The following HMGB2 variants were observed in gnomAD, a reference collection of about 807,000 sequenced individuals.
The protein encoded by HMGB2 is high mobility group box 2, also known as high mobility group protein B2.
HMGB2 carries 2 observed loss-of-function variants against 23.0 expected under a neutral mutation model. That is an observed-to-expected ratio of 0.09 (90% CI 0.04 to 0.27). The LOEUF is 0.27. Ranked by LOEUF, HMGB2 falls within the 10% of genes least tolerant of loss-of-function variation. The pLI is 1.00. For synonymous variants in HMGB2, 99 were observed against 87.5 expected (o/e 1.13, Z -0.73); for missense variants, 178 against 256.5 (o/e 0.69, Z 2.09).
Position 173,332,127 on chromosome 4 carries a change from C to G in HMGB2, c.583G>C (p.Glu195Gln). ...TCCTCCTCATCTTCATCTTCTTCTT[C>G]CTCCTCCTCCTCCTCATCTTCTGGT... is the stretch of plus-strand genomic sequence containing the variant. ...NEPEDEEEEE[E>Q]EEDEDEEEED... Residue 195 changes from glutamate (E) to glutamine (Q), a missense_variant, in exon 5 of 5, where the codon GAA (glutamate) becomes CAA (glutamine). Coordinates refer to ENST00000296503, the MANE Select transcript of HMGB2 (RefSeq NM_002129.4). 1 of 1,526,006 alleles carries G rather than the reference C, an allele frequency of 6.6e-7. No individual in the cohort carries two copies. The highest frequency in any genetic ancestry group is 9.0e-7 in the Non-Finnish European group (1 of 1,109,388). The allele number at this position is 1,526,006 out of a possible 1,614,324, so 94.5% of individuals were successfully genotyped here. A position where few individuals can be genotyped will look rare whatever the true frequency, so the allele number is the denominator to read the frequency against.
At position 173,331,922 on chromosome 4, in the gene HMGB2, A is replaced by G. The variant is rs1578933508; in HGVS notation, c.*158T>C. On this transcript the variant is annotated 3_prime_UTR_variant, in exon 5 of 5. Coordinates refer to ENST00000296503, the MANE Select transcript of HMGB2 (RefSeq NM_002129.4). ...AAAAAGCTACAACCTGCATTTTTTA[A>G]AAGTATTTTCTCTACAGAGAATCTT... is the stretch of plus-strand genomic sequence containing the variant. 3 of 1,085,624 alleles carry G rather than the reference A, an allele frequency of 2.8e-6. No individual in the cohort carries two copies. The highest frequency in any genetic ancestry group is 2.6e-5 in the Admixed American group (1 of 37,750). The allele number at this position is 1,085,624 out of a possible 1,614,324, so 67.2% of individuals were successfully genotyped here. A position where few individuals can be genotyped will look rare whatever the true frequency, so the allele number is the denominator to read the frequency against.
chr4:173,333,664 G>C lies in HMGB2; in HGVS notation c.-15C>G. 6.3e-7 allele frequency: 1 copy of C among 1,595,772 alleles called. No homozygotes were observed. Among genetic ancestry groups the C allele is most frequent in the Non-Finnish European group, 8.5e-7 (1 of 1,169,704 alleles). ...CCTTTACCCATGTTGACAGATCCGC[G>C]TCCACCTGACGGGGCCGAGGGGGGA... is the stretch of plus-strand genomic sequence containing the variant. On this transcript the variant is annotated 5_prime_UTR_variant, in exon 2 of 5. Coordinates refer to ENST00000296503, the MANE Select transcript of HMGB2 (RefSeq NM_002129.4). The surrounding 1 kb of genome is among the most constrained non-coding windows in gnomAD (Gnocchi z 4.6).
At position 173,331,627 on chromosome 4, in the gene HMGB2, A is replaced by G. The variant is rs1034651559; in HGVS notation, c.*453T>C. The G allele has an allele frequency of 1.3e-5, 2 of 152,892 alleles. No individual in the cohort carries two copies. Among genetic ancestry groups the G allele is most frequent in the Non-Finnish European group, 2.9e-5 (2 of 68,698 alleles). 9.5% of individuals were successfully genotyped at this position (152,892 alleles called of 1,614,324 possible). On this transcript the variant is annotated 3_prime_UTR_variant, in exon 5 of 5. Coordinates refer to ENST00000296503, the MANE Select transcript of HMGB2 (RefSeq NM_002129.4). ...TAGGCAGAAATACCGAAAAAAATCAACATAGCTCTGGTCTTCAAATGGCTT... is the reference window on the plus strand; with the variant it reads ...TAGGCAGAAATACCGAAAAAAATCAGCATAGCTCTGGTCTTCAAATGGCTT...
Position 173,333,534 on chromosome 4 carries a change from G to A in HMGB2, c.116C>T (p.Ala39Val). Residue 39 changes from alanine to valine, a missense_variant, in exon 2 of 5, where the codon GCG (alanine) becomes GTG (valine). Around this residue, in one of 3 missense-constraint regions of HMGB2, gnomAD observed 90 missense variants for 114.4 expected, o/e 0.79. Coordinates refer to ENST00000296503, the MANE Select transcript of HMGB2 (RefSeq NM_002129.4). The surrounding 1 kb of genome is among the most constrained non-coding windows in gnomAD (Gnocchi z 4.6). ...KKHPDSSVNF[A>V]EFSKKCSERW... Reference sequence around the variant, plus strand: ...CTCCGAACACTTCTTGGAGAATTCCGCGAAATTGACGGAAGAGTCCGGGTG... The same window carrying A: ...CTCCGAACACTTCTTGGAGAATTCCACGAAATTGACGGAAGAGTCCGGGTG... 6.2e-7 allele frequency: 1 copy of A among 1,614,102 alleles called. No homozygotes were observed. Among genetic ancestry groups the A allele is most frequent in the South Asian group, 1.1e-5 (1 of 91,076 alleles).
rs1738150929 is a variant in HMGB2, at chr4:173,333,150, T to C, written c.215A>G (p.Asp72Gly). The change falls in exon 3 of 5, where the codon GAC becomes GGC. Residue 72 changes from aspartate to glycine, a missense_variant. By Grantham distance (94) the Asp-to-Gly change is moderately conservative. Transcript: ENST00000296503. The surrounding 1 kb of genome is among the most constrained non-coding windows in gnomAD (Gnocchi z 4.6). ...DMAKSDKARY[D>G]REMKNYVPPK... ...AGGAACGTAATTTTTCATCTCCCTG[T>C]CATAGCGAGCTTTGTCACTTTTTGC... The C allele has an allele frequency of 1.2e-6, 2 of 1,614,178 alleles. No individual in the cohort carries two copies. The highest frequency in any genetic ancestry group is 1.7e-6 in the Non-Finnish European group (2 of 1,180,002).
chr4:173,332,414 A>T, intron 4 of HMGB2, 176 bp from the exon 5 acceptor site: 2 of 571,842 alleles, frequency 3.5e-6, no homozygotes, highest in Admixed American at 3.5e-5. Flanking sequence ...TAATGACGTA[A>T]AATGACAAGG....
In HMGB2 at chr4:173,333,801, GAGGGCGTCCTCCCA is replaced by G. The variant is rs1375969683; in HGVS notation, c.-20-146_-20-133del. ...GCCCTGCCCGCGCCCCCCTCCTCCC[GAGGGCGTCCTCCCA>G]AGGGCGGCCGCCCGCGCCCCCGCCC... On this transcript the variant is annotated intron_variant, in intron 1 of 4. Coordinates refer to ENST00000296503, the MANE Select transcript of HMGB2 (RefSeq NM_002129.4). This position sits in a 1 kb window ranked among gnomAD's most constrained non-coding sequence, Gnocchi z 4.6. The G allele has an allele frequency of 3.8e-5, 19 of 494,968 alleles. No individual in the cohort carries two copies. Among genetic ancestry groups the G allele is most frequent in the Admixed American group, 7.0e-5 (1 of 14,290 alleles). 30.7% of individuals were successfully genotyped at this position (494,968 alleles called of 1,614,324 possible).
chr4:173,333,350 TA>T lies in HMGB2; in HGVS notation c.151-137del. 7.3e-7 allele frequency: 1 copy of T among 1,364,538 alleles called. No homozygotes were observed. The highest frequency in any genetic ancestry group is 1.0e-6 in the Non-Finnish European group (1 of 1,001,396). The allele number at this position is 1,364,538 out of a possible 1,614,324, so 84.5% of individuals were successfully genotyped here. ...TCGAAGTCTTATATAAGTAAAAACC[TA>T]AAATCGTCTGCCTGGAACTCTTAAG... is the stretch of plus-strand genomic sequence containing the variant. On this transcript the variant is annotated intron_variant, in intron 2 of 4. Coordinates refer to ENST00000296503, the MANE Select transcript of HMGB2 (RefSeq NM_002129.4). The surrounding 1 kb of genome is among the most constrained non-coding windows in gnomAD (Gnocchi z 4.6).
At position 173,333,682 on chromosome 4, in the gene HMGB2, A is replaced by G; in HGVS notation, c.-20-13T>C. On this transcript the variant is annotated splice_polypyrimidine_tract_variant and intron_variant, in intron 1 of 4. Transcript: ENST00000296503. The surrounding 1 kb of genome is among the most constrained non-coding windows in gnomAD (Gnocchi z 4.6). ...GATCCGCGTCCACCTGACGGGGCCG[A>G]GGGGGGAGAGGGGAAGCCGGAGGGT... The G allele has an allele frequency of 2.6e-6, 4 of 1,565,338 alleles. No homozygotes were observed. The highest frequency in any genetic ancestry group is 3.5e-6 in the Non-Finnish European group (4 of 1,151,652).
In HMGB2 at chr4:173,332,125, TTCCTCC is replaced by T. The variant is rs555089630; in HGVS notation, c.579_584del (p.Glu196_Glu197del). 1.6e-5 allele frequency: 25 copies of T among 1,607,794 alleles called. No individual in the cohort carries two copies. Among genetic ancestry groups the T allele is most frequent in the South Asian group, 8.8e-5 (8 of 90,784 alleles). On this transcript the variant is annotated inframe_deletion, in exon 5 of 5. Transcript: ENST00000296503. Reference sequence around the variant, plus strand: ...CTTCCTCCTCATCTTCATCTTCTTCTTCCTCCTCCTCCTCCTCATCTTCTGGTTCGT... The same window carrying T: ...CTTCCTCCTCATCTTCATCTTCTTCTTCCTCCTCCTCATCTTCTGGTTCGT...
At chr4:173,332,305 T>A in intron 4 of HMGB2, 67 bp from the exon 5 acceptor site, 1 of 1,211,314 alleles carries the variant, frequency 8.3e-7, no homozygotes, top group Non-Finnish European at 1.2e-6. Context: ...CACTTAGTTG[T>A]AAACAATCTA....
In HMGB2 at chr4:173,331,952, G is replaced by T; in HGVS notation, c.*128C>A. On this transcript the variant is annotated 3_prime_UTR_variant, in exon 5 of 5. Transcript: ENST00000296503. Reference sequence around the variant, plus strand: ...ATTTTCTCTACAGAGAATCTTATCAGCTATACAAAAATCTGTACAGTTTTT... The same window carrying T: ...ATTTTCTCTACAGAGAATCTTATCATCTATACAAAAATCTGTACAGTTTTT... 1 of 1,307,762 alleles carries T rather than the reference G, an allele frequency of 7.6e-7. No homozygotes were observed. The highest frequency in any genetic ancestry group is 1.0e-6 in the Non-Finnish European group (1 of 958,992). The allele number at this position is 1,307,762 out of a possible 1,614,324, so 81.0% of individuals were successfully genotyped here.
rs1553961362 is a variant in HMGB2 at position 173,331,392 on chromosome 4, A to ATG, written c.*687_*688insCA. Among the ~76,000 whole-genome samples the ATG allele has an allele frequency of 9.9e-4, 141 of 142,148 alleles. No homozygotes were observed. The highest frequency in any genetic ancestry group is 3.4e-3 in the African/African-American group (123 of 36,166). 93.3% of individuals were successfully genotyped at this position (142,148 alleles called of 152,430 possible). A position where few individuals can be genotyped will look rare whatever the true frequency, so the allele number is the denominator to read the frequency against. On this transcript the variant is annotated 3_prime_UTR_variant, in exon 5 of 5. Transcript: ENST00000296503. ...TATATATACATATATATATATATAT[A>ATG]TATGTATATATATATACACACACCT...
chr4:173,332,940 G>A lies in HMGB2; in HGVS notation c.352C>T (p.Pro118Ser), dbSNP rs752031025. Residue 118 changes from proline (P) to serine (S), a missense_variant, in exon 4 of 5, where the codon CCT becomes TCT. Physicochemically the swap from Pro to Ser is moderately conservative, Grantham distance 74. Transcript: ENST00000296503. ...EHRPKIKSEH[P>S]GLSIGDTAKK... ...GCAGTATCCCCAATGGATAGGCCAG[G>A]GTGTTCACTTTTGATCTTTGGGCGA... 1.2e-6 allele frequency: 2 copies of A among 1,614,180 alleles called. No individual in the cohort carries two copies. The highest frequency in any genetic ancestry group is 1.1e-5 in the South Asian group (1 of 91,084).
In HMGB2 at chr4:173,333,274, G is replaced by A; in HGVS notation, c.151-60C>T. The stretch of plus-strand genomic sequence containing the variant: ...AAATTGTTACCTATAAACATCCAAA[G>A]ACGACAAGATCATCTTTAAGGACCA... On this transcript the variant is annotated intron_variant, in intron 2 of 4. Transcript: ENST00000296503. The surrounding 1 kb of genome is among the most constrained non-coding windows in gnomAD (Gnocchi z 4.6). The A allele has an allele frequency of 1.9e-6, 3 of 1,551,648 alleles. No homozygotes were observed. Among genetic ancestry groups the A allele is most frequent in the Non-Finnish European group, 2.6e-6 (3 of 1,144,824 alleles).
chr4:173,331,733 TAAA>T lies in HMGB2; in HGVS notation c.*344_*346del, dbSNP rs1034042603. ...CATAATTTTATTACAAAATTTTTTT[TAAA>T]AAAACGAAATGCAACATCCTAAAAA... On this transcript the variant is annotated 3_prime_UTR_variant, in exon 5 of 5. Coordinates refer to ENST00000296503, the MANE Select transcript of HMGB2 (RefSeq NM_002129.4). 1.1e-5 allele frequency: 2 copies of T among 176,518 alleles called. No homozygotes were observed. The highest frequency in any genetic ancestry group is 2.4e-5 in the Non-Finnish European group (2 of 84,284). 10.9% of individuals were successfully genotyped at this position (176,518 alleles called of 1,614,324 possible).
Position 173,333,155 on chromosome 4 carries a change from G to C in HMGB2, c.210C>G (p.Arg70=). The C allele has an allele frequency of 6.2e-7, 1 of 1,614,020 alleles. No individual in the cohort carries two copies. The highest frequency in any genetic ancestry group is 8.5e-7 in the Non-Finnish European group (1 of 1,179,976). Residue 70 remains arginine, a synonymous_variant, in exon 3 of 5, where the codon CGC becomes CGG. Transcript: ENST00000296503. This position sits in a 1 kb window ranked among gnomAD's most constrained non-coding sequence, Gnocchi z 4.6. ...FEDMAKSDKA[R]YDREMKNYVP... ...CGTAATTTTTCATCTCCCTGTCATAGCGAGCTTTGTCACTTTTTGCCATAT... is the reference window on the plus strand; with the variant it reads ...CGTAATTTTTCATCTCCCTGTCATACCGAGCTTTGTCACTTTTTGCCATAT...
intron 4 of HMGB2, chr4:173,332,473 TCA>T (rs1738126844): frequency 3.8e-6 from 2 of 521,614 alleles, no homozygotes; most frequent in Admixed American, 3.6e-5. Flanking sequence ...CCCTTTTACA[TCA>T]CACACAGTGC....
Position 173,333,319 on chromosome 4 carries a change from T to G in HMGB2, c.151-105A>C. ...GGACCACATTTTCCTTAACAGCATT[T>G]TGCTTTCGAAGTCTTATATAAGTAA... On this transcript the variant is annotated intron_variant, in intron 2 of 4. Transcript: ENST00000296503. This position sits in a 1 kb window ranked among gnomAD's most constrained non-coding sequence, Gnocchi z 4.6. 1 of 1,419,426 alleles carries G rather than the reference T, an allele frequency of 7.0e-7. No homozygotes were observed. The allele number at this position is 1,419,426 out of a possible 1,614,324, so 87.9% of individuals were successfully genotyped here. A position where few individuals can be genotyped will look rare whatever the true frequency, so the allele number is the denominator to read the frequency against.
Sources: allele counts gnomAD v4.1 joint callset (sites outside exome capture counted in the v4.1 genomes callset), GRCh38; gene constraint gnomAD v4.1.1; regional missense constraint gnomAD v4.1.1; non-coding constraint Gnocchi (gnomAD v3.1); transcripts MANE v1.5; gene names NCBI Gene and HGNC (gene_info 2026-07-23, HGNC 2026-07-21).